CHCHD6: variants seen among roughly 807,000 people sequenced by gnomAD.
CHCHD6 encodes the protein MICOS complex subunit MIC25.
In CHCHD6, 28 loss-of-function variants were observed where a neutral mutation model predicts 32.3. The observed-to-expected ratio is 0.87, with a 90% CI of 0.64 to 1.19. CHCHD6 has a LOEUF of 1.19. Among genes scored for constraint, CHCHD6 ranks in the 50% most tolerant of loss-of-function variants. The probability of loss-of-function intolerance (pLI) is 0.00; values close to 1 mark genes in which losing one functional copy is unlikely to be tolerated. For synonymous variants in CHCHD6, 122 were observed against 117.5 expected (o/e 1.04, Z -0.25); for missense variants, 333 against 307.0 (o/e 1.08, Z -0.63).
At chr3:126,845,327 T>G (rs1941256415) in intron 4 of CHCHD6, among the ~76,000 whole-genome samples, 1 of 152,224 alleles carries the variant, frequency 6.6e-6, no homozygotes, top group South Asian at 2.1e-4. Flanking sequence ...CTATTGACTA[T>G]TTGTGCTTTT....
At chr3:126,725,839 A>G (rs1935508661) in intron 1 of CHCHD6, among the ~76,000 whole-genome samples, 1 of 152,192 alleles carries the variant, frequency 6.6e-6, no homozygotes, top group South Asian at 2.1e-4. Flanking sequence ...TTTCTTCTGC[A>G]GCTTCCTCAC....
chr3:126,768,884 G>T (rs1275384815), intron 4 of CHCHD6, among the ~76,000 whole-genome samples: 1 of 152,068 alleles, frequency 6.6e-6, no homozygotes. Flanking sequence ...TCTTAATGGG[G>T]TTATTTTTTT....
chr3:126,869,128 A>G (rs2077429796), intron 5 of CHCHD6, among the ~76,000 whole-genome samples: 2 of 152,354 alleles, frequency 1.3e-5, no homozygotes, highest in African/African-American at 4.8e-5. Context: ...GTATTCTTCC[A>G]TACATTTTAA....
intron 5 of CHCHD6, among the ~76,000 whole-genome samples, chr3:126,874,974 G>A (rs1231099645): frequency 1.3e-5 from 2 of 152,184 alleles, no homozygotes; most frequent in East Asian, 1.9e-4. Flanking sequence ...AGGTATCTCT[G>A]TGTACTTCTG....
intron 4 of CHCHD6, among the ~76,000 whole-genome samples, chr3:126,820,928 A>G (rs1940121261): frequency 6.6e-6 from 1 of 152,150 alleles, no homozygotes; most frequent in African/African-American, 2.4e-5. Flanking sequence ...GTTCCAGAGT[A>G]TCTTTACATC....
intron 2 of CHCHD6, among the ~76,000 whole-genome samples, chr3:126,728,127 T>C (rs1478067509): frequency 6.6e-6 from 1 of 152,196 alleles, no homozygotes; most frequent in African/African-American, 2.4e-5. Flanking sequence ...TGAAAGAGTT[T>C]AGAATATGAG....
intron 4 of CHCHD6, among the ~76,000 whole-genome samples, chr3:126,824,174 T>C (rs1187001779): frequency 1.3e-5 from 2 of 152,170 alleles, no homozygotes; most frequent in Non-Finnish European, 2.9e-5. Flanking sequence ...AATTATGTTG[T>C]TAGCTGGTAG....
intron 4 of CHCHD6, among the ~76,000 whole-genome samples, chr3:126,769,910 A>G (rs1382990080): frequency 1.3e-5 from 2 of 152,212 alleles, no homozygotes; most frequent in Admixed American, 6.5e-5. Context: ...TTGAATCTGT[A>G]AATTGCTTTG....
chr3:126,738,227 C>T (rs576457931), intron 4 of CHCHD6, among the ~76,000 whole-genome samples: 1 of 152,150 alleles, frequency 6.6e-6, no homozygotes, highest in South Asian at 2.1e-4. Flanking sequence ...CACGGGTTTC[C>T]GTATCTGCAG....
intron 4 of CHCHD6, among the ~76,000 whole-genome samples, chr3:126,786,683 C>T (rs1938229069): frequency 6.6e-6 from 1 of 151,848 alleles, no homozygotes; most frequent in African/African-American, 2.4e-5. Flanking sequence ...TTGTTTTTTT[C>T]TTGTAAATTT....
chr3:126,738,092 C>G (rs1473149019), intron 4 of CHCHD6, among the ~76,000 whole-genome samples: 6 of 152,180 alleles, frequency 3.9e-5, no homozygotes, highest in South Asian at 2.1e-4. Flanking sequence ...AGTAGCTGTC[C>G]TGTCCTGTTC....
At chr3:126,901,326 C>T (rs968605932) in intron 5 of CHCHD6, among the ~76,000 whole-genome samples, 1 of 152,200 alleles carries the variant, frequency 6.6e-6, no homozygotes, top group East Asian at 1.9e-4. Context: ...TCTCAGAATT[C>T]CCAGCAGTCG....
chr3:126,790,390 T>A (rs1336345306), intron 4 of CHCHD6, among the ~76,000 whole-genome samples: 3 of 152,228 alleles, frequency 2.0e-5, no homozygotes, highest in Non-Finnish European at 2.9e-5. Flanking sequence ...GTTGGGGAAG[T>A]TCTCCTGGGT....
rs1003629698 is a variant in CHCHD6 at position 126,796,171 on chromosome 3, C to T, written c.412-56476C>T. ...ACGAGCCTGGGCACCATAGTGAGAA[C>T]CCCATCTCTATAAAAACATAAAAAC... On this transcript the variant is annotated intron_variant, in intron 4 of 7. Coordinates refer to ENST00000290913, the MANE Select transcript of CHCHD6 (RefSeq NM_032343.3). 5.3e-5 allele frequency among the ~76,000 whole-genome samples: 8 copies of T among 152,178 alleles called. No individual in the cohort carries two copies. In the Middle Eastern group the frequency reaches 0.014, roughly 259 times the overall value.
intron 5 of CHCHD6, among the ~76,000 whole-genome samples, chr3:126,911,265 C>G (rs1468106169): frequency 5.3e-5 from 8 of 152,290 alleles, no homozygotes; most frequent in South Asian, 4.1e-4. Flanking sequence ...CCTTCTGGCA[C>G]TTGGCGGGTT....
At chr3:126,829,963 T>A (rs568218822) in intron 4 of CHCHD6, among the ~76,000 whole-genome samples, 1 of 152,264 alleles carries the variant, frequency 6.6e-6, no homozygotes, top group East Asian at 1.9e-4. Context: ...CTGGGTGTTG[T>A]GGCACGCACA....
At position 126,768,149 on chromosome 3, in the gene CHCHD6, G is replaced by A. The variant is rs116036893; in HGVS notation, c.411+34927G>A. On this transcript the variant is annotated intron_variant, in intron 4 of 7. Transcript: ENST00000290913. ...AGGTGGGGCCTAGTGGGCAGTGATT[G>A]GATCGTGGGGGTAGATTTCTCATGC... Among the ~76,000 whole-genome samples the A allele has an allele frequency of 3.5e-3, 535 of 152,292 alleles. 11 individuals carry two copies. The highest frequency in any genetic ancestry group is 0.012 in the African/African-American group (519 of 41,552).
Position 126,847,331 on chromosome 3 carries a change from T to G in CHCHD6, c.412-5316T>G, listed in dbSNP as rs1941327050. Among the ~76,000 whole-genome samples the G allele has an allele frequency of 1.3e-5, 2 of 152,172 alleles. 1 individual carries two copies. The highest frequency in any genetic ancestry group is 1.3e-4 in the Admixed American group (2 of 15,282). On this transcript the variant is annotated intron_variant, in intron 4 of 7. Coordinates refer to ENST00000290913, the MANE Select transcript of CHCHD6 (RefSeq NM_032343.3). ...CTTGAGGACTGATGGACTGAGGGCC[T>G]CCGGTCCTCACTGGCTGTTGTTCAG...
rs745402708 is a variant in CHCHD6, at chr3:126,914,749, A to G, written c.565A>G (p.Lys189Glu). The G allele has an allele frequency of 1.9e-6, 3 of 1,548,196 alleles. No homozygotes were observed. Among genetic ancestry groups the G allele is most frequent in the Non-Finnish European group, 2.7e-6 (3 of 1,119,908 alleles). The part of the protein sequence containing the change: ...EAASKMESTI[K>E]PRRVEPVCSG... ...AGCCTCAAAGATGGAGAGCACAATAAAGTAAGAATTTGTTTATTATTCTTT... is the reference window on the plus strand; with the variant it reads ...AGCCTCAAAGATGGAGAGCACAATAGAGTAAGAATTTGTTTATTATTCTTT... Residue 189 changes from lysine (K) to glutamate (E), a missense_variant and splice_region_variant, in exon 6 of 8, where the codon AAG (lysine) becomes GAG (glutamate). By Grantham distance (56) the Lys-to-Glu change is moderately conservative (BLOSUM62 1). Coordinates refer to ENST00000290913, the MANE Select transcript of CHCHD6 (RefSeq NM_032343.3).
Sources: gnomAD v4.1 joint callset for allele counts (sites outside exome capture counted in the v4.1 genomes callset) on GRCh38, gnomAD v4.1.1 for gene constraint, MANE v1.5 for transcripts, NCBI Gene and HGNC (gene_info 2026-07-23, HGNC 2026-07-21) for gene names.